The following PITPNC1 variants were observed in gnomAD, a reference collection of about 807,000 sequenced individuals.
The protein encoded by PITPNC1 is phosphatidylinositol transfer protein cytoplasmic 1, also known as cytoplasmic phosphatidylinositol transfer protein 1.
PITPNC1 carries 18 observed loss-of-function variants against 44.7 expected under a neutral mutation model. The ratio of observed to expected loss-of-function variants is 0.40; its 90% CI spans 0.28 to 0.60. The LOEUF (loss-of-function observed/expected upper bound fraction) is 0.60. PITPNC1 is among the 20% of genes least tolerant of loss of function. PITPNC1 has a pLI of 0.39. For synonymous variants in PITPNC1, 141 were observed against 149.6 expected (o/e 0.94, Z 0.42); for missense variants, 290 against 418.4 (o/e 0.69, Z 2.68).
At chr17:67,559,779 C>T (rs1021707422) in intron 4 of PITPNC1, among the ~76,000 whole-genome samples, 2 of 152,074 alleles carry the variant, frequency 1.3e-5, no homozygotes, top group African/African-American at 4.8e-5. Flanking sequence ...CCCAGCTCCT[C>T]GGGAGGCTGA....
chr17:67,695,817 G>A lies in PITPNC1; in HGVS notation c.*2929G>A, dbSNP rs1478392614. ...AAGATTTCAAATGTGAAGTGCCCCTGTGCATTTTCTTGGCCATAGCACGGC... is the reference window on the plus strand; with the variant it reads ...AAGATTTCAAATGTGAAGTGCCCCTATGCATTTTCTTGGCCATAGCACGGC... On this transcript the variant is annotated 3_prime_UTR_variant, in exon 9 of 9. Transcript: ENST00000581322. 1 of 152,084 alleles carries A rather than the reference G, an allele frequency of 6.6e-6. No individual in the cohort carries two copies. Among genetic ancestry groups the A allele is most frequent in the Non-Finnish European group, 1.5e-5 (1 of 68,010 alleles). The allele number at this position is 152,084 out of a possible 1,614,324, so 9.4% of individuals were successfully genotyped here. A position where few individuals can be genotyped will look rare whatever the true frequency, so the allele number is the denominator to read the frequency against.
At position 67,508,019 on chromosome 17, in the gene PITPNC1, C is replaced by T. The variant is rs2040130358; in HGVS notation, c.49-24783C>T. On this transcript the variant is annotated intron_variant, in intron 1 of 8. Coordinates refer to ENST00000581322, the MANE Select transcript of PITPNC1 (RefSeq NM_012417.4). This position sits in a 1 kb window ranked among gnomAD's most constrained non-coding sequence, Gnocchi z 4.2. ...TAGTTGTCCCCGGAATCCTTAACCT[C>T]ACAGGAAGTTATTTTTTCCAAAGCC... is the stretch of plus-strand genomic sequence containing the variant. Among the ~76,000 whole-genome samples, 1 of 152,172 alleles carries T rather than the reference C, an allele frequency of 6.6e-6. No homozygotes were observed. The highest frequency in any genetic ancestry group is 6.5e-5 in the Admixed American group (1 of 15,282).
At chr17:67,594,965 T>C (rs2041441237) in intron 5 of PITPNC1, among the ~76,000 whole-genome samples, 1 of 152,220 alleles carries the variant, frequency 6.6e-6, no homozygotes, top group South Asian at 2.1e-4. Flanking sequence ...CCATTGTTTT[T>C]CATGTTTTAA....
intron 6 of PITPNC1, among the ~76,000 whole-genome samples, chr17:67,657,319 G>A (rs2042282648): frequency 6.6e-6 from 1 of 152,090 alleles, no homozygotes; most frequent in Non-Finnish European, 1.5e-5. Context: ...TATAGGCCAT[G>A]TTTGAGATTG....
At chr17:67,445,946 A>T (rs891415588) in intron 1 of PITPNC1, among the ~76,000 whole-genome samples, 4 of 150,508 alleles carry the variant, frequency 2.7e-5, no homozygotes, top group South Asian at 2.1e-4. Context: ...TTTTTTTTGT[A>T]TTTTTTTTGG....
At chr17:67,448,090 C>T (rs1397789142) in intron 1 of PITPNC1, among the ~76,000 whole-genome samples, 2 of 152,138 alleles carry the variant, frequency 1.3e-5, no homozygotes, top group Non-Finnish European at 2.9e-5. Context: ...GGATTAAAGG[C>T]GCACACCACC....
chr17:67,675,989 G>A (rs1285546712), intron 8 of PITPNC1, among the ~76,000 whole-genome samples: 6 of 152,108 alleles, frequency 3.9e-5, no homozygotes, highest in Admixed American at 1.3e-4. Context: ...GGCAGATCAC[G>A]AGGTCAGGAG....
rs564218628 is a variant in PITPNC1, at chr17:67,662,322, T to C, written c.463-7186T>C. Among the ~76,000 whole-genome samples, 89 of 151,394 alleles carry C rather than the reference T, an allele frequency of 5.9e-4. 1 individual carries two copies. The highest frequency in any genetic ancestry group is 3.4e-3 in the Middle Eastern group (1 of 294). ...TACAAAAATTAGCCAGGTGTGGTGGTGCGTGCCTGTAATCCCAGCTACTTG... is the reference window on the plus strand; with the variant it reads ...TACAAAAATTAGCCAGGTGTGGTGGCGCGTGCCTGTAATCCCAGCTACTTG... On this transcript the variant is annotated intron_variant, in intron 6 of 8. Coordinates refer to ENST00000581322, the MANE Select transcript of PITPNC1 (RefSeq NM_012417.4).
At chr17:67,413,000 G>T (rs1162730185) in intron 1 of PITPNC1, among the ~76,000 whole-genome samples, 4 of 152,154 alleles carry the variant, frequency 2.6e-5, no homozygotes, top group South Asian at 2.1e-4. Context: ...TAATACCTTC[G>T]GTGTTTTTGA....
At position 67,508,736 on chromosome 17, in the gene PITPNC1, A is replaced by G. The variant is rs1010505781; in HGVS notation, c.49-24066A>G. On this transcript the variant is annotated intron_variant, in intron 1 of 8. Coordinates refer to ENST00000581322, the MANE Select transcript of PITPNC1 (RefSeq NM_012417.4). This position sits in a 1 kb window ranked among gnomAD's most constrained non-coding sequence, Gnocchi z 4.2. ...CTTCAAGAGGCAAATTCATAGAGTCAGAAGGTAGAATGGTGGTTGCCAGGG... is the reference window on the plus strand; with the variant it reads ...CTTCAAGAGGCAAATTCATAGAGTCGGAAGGTAGAATGGTGGTTGCCAGGG... Among the ~76,000 whole-genome samples the G allele has an allele frequency of 2.9e-4, 44 of 152,182 alleles. No individual in the cohort carries two copies. The highest frequency in any genetic ancestry group is 9.6e-5 in the African/African-American group (4 of 41,452).
chr17:67,422,799 A>G (rs1459355296), intron 1 of PITPNC1, among the ~76,000 whole-genome samples: 1 of 152,146 alleles, frequency 6.6e-6, no homozygotes, highest in African/African-American at 2.4e-5. Context: ...TCAGCCTCCC[A>G]AAGTGCTGGG....
intron 5 of PITPNC1, among the ~76,000 whole-genome samples, chr17:67,618,839 C>CACG (rs1403334096): frequency 6.6e-6 from 1 of 152,090 alleles, no homozygotes; most frequent in Admixed American, 6.6e-5. Context: ...CGGGCAGGAT[C>CACG]ACGAGGTTAG....
intron 1 of PITPNC1, among the ~76,000 whole-genome samples, chr17:67,497,419 A>C (rs2039967745): frequency 6.6e-6 from 1 of 151,932 alleles, no homozygotes; most frequent in East Asian, 1.9e-4. Context: ...GTAGCTCATT[A>C]AATTGATAAA....
intron 6 of PITPNC1, chr17:67,632,569 CTTTT>C (rs1246213208): frequency 9.5e-5 from 14 of 146,692 alleles, no homozygotes; most frequent in South Asian, 2.3e-4. Flanking sequence ...TACATGCGCT[CTTTT>C]TTTTTTTTTT....
chr17:67,691,353 A>T (rs2042924076), intron 8 of PITPNC1, among the ~76,000 whole-genome samples: 5 of 152,208 alleles, frequency 3.3e-5, no homozygotes, highest in Admixed American at 2.0e-4. Context: ...AAATAAGAAC[A>T]TTTCAGGTAT....
At chr17:67,624,563 A>G (rs2041873178) in intron 5 of PITPNC1, among the ~76,000 whole-genome samples, 1 of 151,638 alleles carries the variant, frequency 6.6e-6, no homozygotes, top group Non-Finnish European at 1.5e-5. Context: ...TTTTTTATTT[A>G]TACCGAGTCT....
At position 67,409,355 on chromosome 17, in the gene PITPNC1, A is replaced by G. The variant is rs553491040; in HGVS notation, c.48+31153A>G. Among the ~76,000 whole-genome samples, 10 of 152,062 alleles carry G rather than the reference A, an allele frequency of 6.6e-5. No homozygotes were observed. In the South Asian group the frequency reaches 2.1e-3, roughly 32 times the overall value. Reference sequence around the variant, plus strand: ...CGCCTCGGCCTCCCAAAGTGCTGGGATTACAGGCGTGAGCCACCGCGCCCG... The same window carrying G: ...CGCCTCGGCCTCCCAAAGTGCTGGGGTTACAGGCGTGAGCCACCGCGCCCG... On this transcript the variant is annotated intron_variant, in intron 1 of 8. Coordinates refer to ENST00000581322, the MANE Select transcript of PITPNC1 (RefSeq NM_012417.4).
At chr17:67,664,117 C>A (rs1174468741) in intron 6 of PITPNC1, among the ~76,000 whole-genome samples, 2 of 152,124 alleles carry the variant, frequency 1.3e-5, no homozygotes, top group African/African-American at 4.8e-5. Flanking sequence ...GCAGATGCCA[C>A]CACGCCCAGC....
At chr17:67,669,173 C>A (rs1234819993) in intron 6 of PITPNC1, among the ~76,000 whole-genome samples, 1 of 152,186 alleles carries the variant, frequency 6.6e-6, no homozygotes, top group Non-Finnish European at 1.5e-5. Flanking sequence ...ATGGCGCAAT[C>A]TTGGCTCACC....
Sources: gnomAD v4.1 joint callset for allele counts (sites outside exome capture counted in the v4.1 genomes callset) on GRCh38, gnomAD v4.1.1 for gene constraint, Gnocchi (gnomAD v3.1) non-coding constraint, MANE v1.5 for transcripts, NCBI Gene and HGNC (gene_info 2026-07-23, HGNC 2026-07-21) for gene names.